Variants in CDH23 observed in about 807,000 individuals in gnomAD.
CDH23 encodes cadherin related 23.
CDH23 carries 189 observed loss-of-function variants against 317.1 expected under a neutral mutation model. That is an observed-to-expected ratio of 0.60 (90% confidence interval 0.53 to 0.67). The LOEUF is 0.67. Among genes scored for constraint, CDH23 ranks in the 30% least tolerant of loss-of-function variants. The pLI, the probability that CDH23 is intolerant of heterozygous loss-of-function variation, is 0.00. For synonymous variants in CDH23, 1,839 were observed against 1,876.8 expected, an observed-to-expected ratio of 0.98 and a Z score of 0.52; for missense variants, 4,401 against 4,592.4, an observed-to-expected ratio of 0.96 and a Z score of 1.20.
intron 3 of CDH23, among the ~76,000 whole-genome samples, chr10:71,495,713 T>A (rs908697843): frequency 2.0e-5 from 3 of 151,580 alleles, no homozygotes; most frequent in African/African-American, 7.3e-5. Context: ...GTGGCGCACT[T>A]GTAGTCCTAG....
At chr10:71,809,049 T>C (rs1564806057) in intron 60 of CDH23, among the ~76,000 whole-genome samples, 1 of 152,206 alleles carries the variant, frequency 6.6e-6, no homozygotes, top group African/African-American at 2.4e-5. Context: ...AGTAGCTTGC[T>C]TGAGGTCACG....
intron 44 of CDH23, 76 bp downstream of exon 44, chr10:71,785,814 C>A: frequency 1.1e-6 from 1 of 895,448 alleles, no homozygotes; most frequent in Non-Finnish European, 1.8e-6. Context: ...ACCCCTCCTG[C>A]AGGCAGCATA....
chr10:71,618,007 T>C (rs1459818620), intron 11 of CDH23, among the ~76,000 whole-genome samples: 3 of 151,244 alleles, frequency 2.0e-5, no homozygotes, highest in African/African-American at 4.9e-5. Context: ...AAAAAAAAAG[T>C]AGAAATAAAC....
At chr10:71,710,085 G>A (rs1054452786) in intron 27 of CDH23, among the ~76,000 whole-genome samples, 42 of 152,150 alleles carry the variant, frequency 2.8e-4, no homozygotes, top group African/African-American at 1.0e-3. Context: ...CCCACAACAT[G>A]TGGAAATTAT....
intron 6 of CDH23, among the ~76,000 whole-genome samples, chr10:71,531,638 A>G (rs1357458276): frequency 1.3e-5 from 2 of 151,936 alleles, no homozygotes; most frequent in Non-Finnish European, 2.9e-5. Flanking sequence ...CAGGCTGGGT[A>G]GGGAGGGGGA....
chr10:71,769,918 A>C (rs1840648532), intron 38 of CDH23, among the ~76,000 whole-genome samples: 1 of 152,240 alleles, frequency 6.6e-6, no homozygotes, highest in Non-Finnish European at 1.5e-5. Flanking sequence ...AAGCAAACCC[A>C]GGGCCAGGCT....
intron 3 of CDH23, among the ~76,000 whole-genome samples, chr10:71,469,538 A>AT (rs779310100): frequency 7.2e-5 from 11 of 151,892 alleles, no homozygotes; most frequent in Admixed American, 1.3e-4. Flanking sequence ...CTTTTCACTC[A>AT]TTGATAGACA....
intron 3 of CDH23, among the ~76,000 whole-genome samples, chr10:71,459,404 G>A (rs755508723): frequency 3.9e-5 from 6 of 152,100 alleles, no homozygotes; most frequent in East Asian, 1.9e-4. Flanking sequence ...ATTTTAAACC[G>A]TGCTTGGCAA....
chr10:71,475,804 G>A (rs1851765846), intron 3 of CDH23, among the ~76,000 whole-genome samples: 1 of 152,236 alleles, frequency 6.6e-6, no homozygotes, highest in Admixed American at 6.5e-5. Flanking sequence ...TGGAAGGCAG[G>A]GAGCAGGCCC....
chr10:71,503,286 A>G (rs1337637178), intron 3 of CDH23, among the ~76,000 whole-genome samples: 1 of 152,228 alleles, frequency 6.6e-6, no homozygotes, highest in African/African-American at 2.4e-5. Context: ...CTGGACCCCC[A>G]GTCATTGCAC....
At chr10:71,650,020 A>G (rs1863090490) in intron 14 of CDH23, among the ~76,000 whole-genome samples, 1 of 152,210 alleles carries the variant, frequency 6.6e-6, no homozygotes, top group Non-Finnish European at 1.5e-5. Context: ...ATGTGGGACC[A>G]CTGAGCCTAG....
intron 8 of CDH23, among the ~76,000 whole-genome samples, chr10:71,571,354 T>C (rs1259979734): frequency 6.6e-6 from 1 of 152,214 alleles, no homozygotes; most frequent in Non-Finnish European, 1.5e-5. Flanking sequence ...GCTGCCCTTC[T>C]TCAAGGGTCC....
chr10:71,680,804 G>T (rs1254793053), intron 17 of CDH23, among the ~76,000 whole-genome samples: 7 of 111,756 alleles, frequency 6.3e-5, no homozygotes, highest in Non-Finnish European at 1.1e-4. Context: ...ACATCCCTCT[G>T]TCTTTCTTTT....
At chr10:71,517,922 T>G (rs183322597) in intron 6 of CDH23, among the ~76,000 whole-genome samples, 4 of 152,194 alleles carry the variant, frequency 2.6e-5, no homozygotes, top group Admixed American at 6.5e-5. Context: ...CAGTGACACA[T>G]GCCTGGAGCC....
chr10:71,764,630 G>C (rs1016368281), intron 38 of CDH23, among the ~76,000 whole-genome samples: 1 of 152,122 alleles, frequency 6.6e-6, no homozygotes, highest in African/African-American at 2.4e-5. Flanking sequence ...GCAGCTTTTG[G>C]GGGGCACCGG....
intron 38 of CDH23, among the ~76,000 whole-genome samples, chr10:71,763,444 A>G (rs1024220152): frequency 1.3e-5 from 2 of 152,196 alleles, no homozygotes; most frequent in East Asian, 1.9e-4. Flanking sequence ...CCCAGAACCA[A>G]TATAATGCCA....
chr10:71,645,807 GCTT>G, intron 12 of CDH23, 21 bp from the exon 13 acceptor site: 1 of 1,603,870 alleles, frequency 6.2e-7, no homozygotes, highest in Non-Finnish European at 8.5e-7. Context: ...TTCCTGACTG[GCTT>G]CTTCTGCACT....
At chr10:71,546,120 T>A (rs1379254864) in intron 6 of CDH23, among the ~76,000 whole-genome samples, 1 of 151,990 alleles carries the variant, frequency 6.6e-6, no homozygotes, top group African/African-American at 2.4e-5. Flanking sequence ...GACAGGGAAA[T>A]CACTGTTTTC....
rs767483018 is a variant in CDH23 at position 71,732,000 on chromosome 10, G to C, written c.3729G>C (p.Leu1243=). The change falls in exon 32 of 70, where the codon CTG becomes CTC. Residue 1243 remains leucine, a synonymous_variant. Transcript: ENST00000224721. ...ATDRDSGDGG[L]VNYRILSGAE... is the part of the protein sequence containing the mutation. ...GTCCTCCTACAGGGGATGGTGGCCT[G>C]GTGAACTACCGCATCCTGTCGGGCG... is the stretch of plus-strand genomic sequence containing the variant. 2 of 1,613,602 alleles carry C rather than the reference G, an allele frequency of 1.2e-6. No individual in the cohort carries two copies.
Sources: gnomAD v4.1 joint callset for allele counts (sites outside exome capture counted in the v4.1 genomes callset) on GRCh38, gnomAD v4.1.1 for gene constraint, MANE v1.5 for transcripts, NCBI Gene and HGNC (gene_info 2026-07-23, HGNC 2026-07-21) for gene names.